Variants in ALPK1 observed in about 807,000 individuals in gnomAD.
The protein encoded by ALPK1 is alpha-protein kinase 1.
In ALPK1, 110 loss-of-function variants were observed where a neutral mutation model predicts 120.6. That is an observed-to-expected ratio of 0.91 (90% CI 0.78 to 1.07). The LOEUF is 1.07. Among genes scored for constraint, ALPK1 ranks in the 50% least tolerant of loss-of-function variants. The probability of loss-of-function intolerance (pLI) is 0.00; values close to 1 mark genes in which losing one functional copy is unlikely to be tolerated. For missense variants in ALPK1, 1,498 were observed against 1,483.9 expected, an observed-to-expected ratio of 1.01 and a Z score of -0.16; for synonymous variants, 582 against 560.3, an observed-to-expected ratio of 1.04 and a Z score of -0.55.
At chr4:112,337,925 T>C (rs185594840) in intron 2 of ALPK1, among the ~76,000 whole-genome samples, 1 of 152,262 alleles carries the variant, frequency 6.6e-6, no homozygotes, top group Admixed American at 6.5e-5. Context: ...AGCCGAATGG[T>C]TTGCTAATAA....
chr4:112,393,737 A>G (rs759584033), intron 4 of ALPK1, among the ~76,000 whole-genome samples: 1 of 152,238 alleles, frequency 6.6e-6, no homozygotes, highest in Non-Finnish European at 1.5e-5. Context: ...TGGAGAGGCT[A>G]AAGTCATTAA....
intron 4 of ALPK1, among the ~76,000 whole-genome samples, chr4:112,409,740 C>T (rs1307389615): frequency 1.3e-5 from 2 of 152,118 alleles, no homozygotes; most frequent in Admixed American, 1.3e-4. Flanking sequence ...ATTAGTCACT[C>T]CACCCCTCAT....
chr4:112,432,270 C>T lies in ALPK1; in HGVS notation c.2723C>T (p.Thr908Ile). 1.9e-6 allele frequency: 3 copies of T among 1,614,218 alleles called. No homozygotes were observed. Among genetic ancestry groups the T allele is most frequent in the Non-Finnish European group, 2.5e-6 (3 of 1,180,040 alleles). Residue 908 changes from threonine (T) to isoleucine (I), a missense_variant, in exon 11 of 16, where the codon ACA (threonine) becomes ATA (isoleucine). Transcript: ENST00000650871. ...FPVLSEDCTT[T>I]EEGNQPGNML... is the part of the protein sequence containing the mutation. ...GTCCTCAGCGAGGACTGCACTACCA[C>T]AGAGGAAGGAAATCAGCCTGGAAAC...
intron 11 of ALPK1, among the ~76,000 whole-genome samples, chr4:112,433,244 C>T (rs575571817): frequency 2.0e-5 from 3 of 152,322 alleles, no homozygotes; most frequent in East Asian, 1.9e-4. Flanking sequence ...ATTTATTCCT[C>T]ATAATTCTGG....
intron 2 of ALPK1, among the ~76,000 whole-genome samples, chr4:112,349,832 A>G (rs1004743730): frequency 3.3e-5 from 5 of 152,072 alleles, no homozygotes; most frequent in Non-Finnish European, 7.4e-5. Context: ...GATTACAGGC[A>G]CGAGCCACCA....
intron 2 of ALPK1, chr4:112,358,099 C>T (rs1023881849): frequency 1.4e-5 from 8 of 584,606 alleles, no homozygotes; most frequent in South Asian, 4.6e-5. Flanking sequence ...CCTTAAGATG[C>T]GAGATGAAGG....
Position 112,431,103 on chromosome 4 carries a change from C to T in ALPK1, c.1556C>T (p.Ser519Phe). The T allele has an allele frequency of 6.2e-7, 1 of 1,614,216 alleles. No homozygotes were observed. Among genetic ancestry groups the T allele is most frequent in the East Asian group, 2.2e-5 (1 of 44,890 alleles). ...CATTGTCAAAGAGACACAGGAATAT[C>T]TTCCTCCCTAATGGGTAAGAATGTT... Reference protein sequence around the residue: ...KPHCQRDTGISSSLMGKNVQR... With the variant: ...KPHCQRDTGIFSSLMGKNVQR... The change falls in exon 11 of 16, where the codon TCT (serine) becomes TTT (phenylalanine). Residue 519 changes from serine to phenylalanine, a missense_variant. Coordinates refer to ENST00000650871, the MANE Select transcript of ALPK1 (RefSeq NM_025144.4).
At chr4:112,375,333 C>T (rs930783907) in intron 2 of ALPK1, among the ~76,000 whole-genome samples, 23 of 152,120 alleles carry the variant, frequency 1.5e-4, no homozygotes, top group African/African-American at 5.3e-4. Context: ...GTGTGCACCA[C>T]CACACCCAGC....
At chr4:112,341,506 G>A (rs1472601853) in intron 2 of ALPK1, among the ~76,000 whole-genome samples, 1 of 152,190 alleles carries the variant, frequency 6.6e-6, no homozygotes, top group African/African-American at 2.4e-5. Flanking sequence ...TTAGGGTTTT[G>A]TCACTTCAAA....
At chr4:112,385,484 G>A (rs1268103448) in intron 4 of ALPK1, among the ~76,000 whole-genome samples, 1 of 152,106 alleles carries the variant, frequency 6.6e-6, no homozygotes, top group East Asian at 1.9e-4. Flanking sequence ...TGAACTCTGA[G>A]CATCATTTTC....
At chr4:112,358,177 G>A in intron 2 of ALPK1, 1 of 621,312 alleles carries the variant, frequency 1.6e-6, no homozygotes, top group Non-Finnish European at 3.0e-6. Flanking sequence ...AGGCCATCGG[G>A]CAAGTGATCT....
intron 4 of ALPK1, chr4:112,383,326 G>T (rs932092894): frequency 4.1e-4 from 62 of 151,402 alleles, no homozygotes; most frequent in African/African-American, 1.3e-3. Context: ...AAATATATTT[G>T]TTAGGCATTA....
chr4:112,382,239 A>G (rs1399305025), intron 3 of ALPK1, among the ~76,000 whole-genome samples, 159 bp from the exon 4 acceptor site: 1 of 151,952 alleles, frequency 6.6e-6, no homozygotes, highest in Non-Finnish European at 1.5e-5. Context: ...TCTTTGAGTC[A>G]GAACCAACAG....
intron 1 of ALPK1, among the ~76,000 whole-genome samples, chr4:112,303,160 A>G (rs940795084): frequency 1.3e-5 from 2 of 151,956 alleles, no homozygotes; most frequent in Non-Finnish European, 2.9e-5. Flanking sequence ...TATACATGTT[A>G]GATTCTGTTC....
rs750461882 is a variant in ALPK1 at position 112,432,301 on chromosome 4, A to G, written c.2754A>G (p.Leu918=). The change falls in exon 11 of 16, where the codon CTA becomes CTG. Residue 918 remains leucine, a synonymous_variant. Transcript: ENST00000650871. ...TEEGNQPGNM[L]NCSQNSSSSS... ...AAGGAAATCAGCCTGGAAACATGCT[A>G]AACTGCAGCCAGAACTCCAGCTCAT... 6 of 1,614,214 alleles carry G rather than the reference A, an allele frequency of 3.7e-6. No individual in the cohort carries two copies. The Admixed American group carries it at 1.0e-4, about 27-fold the overall frequency.
At chr4:112,439,479 C>T (rs141602326) in intron 13 of ALPK1, among the ~76,000 whole-genome samples, 29 of 152,278 alleles carry the variant, frequency 1.9e-4, no homozygotes, top group Non-Finnish European at 3.2e-4. Context: ...ATGCCACATG[C>T]CGTGTTAAGC....
At chr4:112,371,034 A>G (rs1048497587) in intron 2 of ALPK1, among the ~76,000 whole-genome samples, 2 of 152,216 alleles carry the variant, frequency 1.3e-5, no homozygotes, top group African/African-American at 4.8e-5. Context: ...GTTTTGAGCT[A>G]TGGTGAAGGA....
intron 2 of ALPK1, among the ~76,000 whole-genome samples, chr4:112,362,243 C>A (rs1730947760): frequency 6.6e-6 from 1 of 152,186 alleles, no homozygotes. Flanking sequence ...GACAAAATCT[C>A]TGAATTGCCA....
rs774772587 is a variant in ALPK1 at position 112,431,946 on chromosome 4, T to C, written c.2399T>C (p.Leu800Ser). Residue 800 changes from leucine to serine, a missense_variant, in exon 11 of 16, where the codon TTA (leucine) becomes TCA (serine). Physicochemically the swap from Leu to Ser is moderately radical, Grantham distance 145. Coordinates refer to ENST00000650871, the MANE Select transcript of ALPK1 (RefSeq NM_025144.4). Reference sequence around the variant, plus strand: ...GCAGAAAGCACTGAAGATGCACCCTTAGACTTTCACAGGGTCCTGCACAAT... The same window carrying C: ...GCAGAAAGCACTGAAGATGCACCCTCAGACTTTCACAGGGTCCTGCACAAT... ...ETAESTEDAP[L>S]DFHRVLHNSL... 1.9e-6 allele frequency: 3 copies of C among 1,614,100 alleles called. No homozygotes were observed. Among genetic ancestry groups the C allele is most frequent in the East Asian group, 4.5e-5 (2 of 44,882 alleles).
Sources: gnomAD v4.1 joint callset for allele counts (sites outside exome capture counted in the v4.1 genomes callset) on GRCh38, gnomAD v4.1.1 for gene constraint, MANE v1.5 for transcripts, NCBI Gene and HGNC (gene_info 2026-07-23, HGNC 2026-07-21) for gene names.